Variants in TDRD3 observed in about 807,000 individuals in gnomAD.
TDRD3 encodes the protein tudor domain-containing protein 3.
A neutral mutation model predicts 86.7 loss-of-function variants in TDRD3; 45 were observed. That is an observed-to-expected ratio of 0.52 (90% CI 0.41 to 0.67). TDRD3 has a LOEUF of 0.67. TDRD3 is among the 30% of genes least tolerant of loss of function. TDRD3 has a pLI of 0.00. For missense variants in TDRD3, 814 were observed against 889.0 expected (o/e 0.92, Z 1.07); for synonymous variants, 298 against 301.7 (o/e 0.99, Z 0.13).
chr13:60,559,700 G>A (rs1958287761), intron 12 of TDRD3, among the ~76,000 whole-genome samples: 1 of 152,110 alleles, frequency 6.6e-6, no homozygotes, highest in Non-Finnish European at 1.5e-5. Flanking sequence ...CAAACTCATA[G>A]AAACAGAGTA....
chr13:60,454,761 G>C (rs991678708), intron 3 of TDRD3, among the ~76,000 whole-genome samples: 5 of 151,994 alleles, frequency 3.3e-5, no homozygotes, highest in Admixed American at 1.3e-4. Flanking sequence ...ATGACATTGG[G>C]AATGTTTCTG....
At chr13:60,434,824 C>T (rs946877205) in intron 1 of TDRD3, among the ~76,000 whole-genome samples, 1 of 152,040 alleles carries the variant, frequency 6.6e-6, no homozygotes, top group Non-Finnish European at 1.5e-5. Context: ...TGATAATTCT[C>T]TTCTCTCAAG....
intron 5 of TDRD3, among the ~76,000 whole-genome samples, chr13:60,482,923 T>C (rs1376877921): frequency 1.3e-5 from 2 of 151,940 alleles, no homozygotes; most frequent in African/African-American, 4.8e-5. Context: ...GCACAAAAAG[T>C]TTAAAGTTGA....
chr13:60,443,774 A>G (rs1271003479), intron 2 of TDRD3, among the ~76,000 whole-genome samples: 1 of 151,928 alleles, frequency 6.6e-6, no homozygotes, highest in Non-Finnish European at 1.5e-5. Flanking sequence ...TCTTAAGGTG[A>G]TGAAGAGCTA....
chr13:60,468,172 C>G (rs1365313095), intron 5 of TDRD3, among the ~76,000 whole-genome samples: 1 of 152,108 alleles, frequency 6.6e-6, no homozygotes, highest in East Asian at 1.9e-4. Flanking sequence ...AGCCCTAGTT[C>G]CAGTTTACGT....
chr13:60,518,282 T>G (rs1241911039), intron 10 of TDRD3, among the ~76,000 whole-genome samples: 1 of 152,138 alleles, frequency 6.6e-6, no homozygotes, highest in Non-Finnish European at 1.5e-5. Flanking sequence ...AATCTTTAGG[T>G]GATTCTGGTG....
rs151013765 is a variant in TDRD3 at position 60,491,457 on chromosome 13, C to T, written c.718-2978C>T. ...GAACAGAAAAAGCTAATAATGAACC[C>T]TGTAACACTTCAATTTGAACTTAGA... is the stretch of plus-strand genomic sequence containing the variant. On this transcript the variant is annotated intron_variant, in intron 7 of 13. Transcript: ENST00000377881. 6.2e-3 allele frequency among the ~76,000 whole-genome samples: 944 copies of T among 152,272 alleles called. 15 individuals are homozygous for T. Among genetic ancestry groups the T allele is most frequent in the African/African-American group, 0.022 (906 of 41,560 alleles).
chr13:60,527,205 C>T (rs1205871202), intron 10 of TDRD3, among the ~76,000 whole-genome samples: 1 of 152,130 alleles, frequency 6.6e-6, no homozygotes. Flanking sequence ...ACCTTTATTC[C>T]TGTTGTTTTA....
intron 12 of TDRD3, among the ~76,000 whole-genome samples, chr13:60,557,155 G>A (rs1383154629): frequency 1.4e-5 from 2 of 146,178 alleles, no homozygotes; most frequent in Non-Finnish European, 3.0e-5. Context: ...GCGGTGAGCC[G>A]AGATTGTGCC....
intron 8 of TDRD3, among the ~76,000 whole-genome samples, chr13:60,496,976 C>T (rs1011388650): frequency 3.3e-5 from 5 of 152,086 alleles, no homozygotes; most frequent in Non-Finnish European, 5.9e-5. Context: ...CGGTGGGTCA[C>T]GGAAGAAAAC....
chr13:60,554,285 A>G (rs1958135932), intron 12 of TDRD3, among the ~76,000 whole-genome samples: 1 of 152,226 alleles, frequency 6.6e-6, no homozygotes, highest in African/African-American at 2.4e-5. Flanking sequence ...TTCAAAGATA[A>G]TGAAAGTGAA....
At chr13:60,547,146 A>G (rs1352229646) in intron 12 of TDRD3, 9 of 434,410 alleles carry the variant, frequency 2.1e-5, no homozygotes, top group South Asian at 9.8e-5. Flanking sequence ...GAGAATTACT[A>G]TACTTTGAGG....
intron 1 of TDRD3, among the ~76,000 whole-genome samples, chr13:60,422,606 GTTGATGGAGCT>G (rs1340921543): frequency 6.6e-6 from 1 of 152,076 alleles, no homozygotes; most frequent in East Asian, 1.9e-4. Context: ...GGGGGAAAAT[GTTGATGGAGCT>G]TTGGAAAGAA....
intron 12 of TDRD3, among the ~76,000 whole-genome samples, chr13:60,548,859 T>C (rs1957987257): frequency 6.6e-6 from 1 of 152,176 alleles, no homozygotes; most frequent in East Asian, 1.9e-4. Flanking sequence ...TTCATAACTT[T>C]TAAACCAGTA....
intron 3 of TDRD3, among the ~76,000 whole-genome samples, chr13:60,456,266 A>G (rs1181079116): frequency 6.6e-6 from 1 of 152,192 alleles, no homozygotes; most frequent in African/African-American, 2.4e-5. Flanking sequence ...ATGATCAATA[A>G]ATTAATAAAT....
chr13:60,567,570 G>A lies in TDRD3; in HGVS notation c.2164G>A (p.Gly722Ser). Reference protein sequence around the residue: ...YDQTLEFRRGGDGQPRRSTRP... With the variant: ...YDQTLEFRRGSDGQPRRSTRP... ...TCAAACTCTGGAGTTCCGTAGGGGA[G>A]GTGATGGCCAGCCAAGACGATCCAC... The change falls in exon 13 of 14, where the codon GGT becomes AGT. Residue 722 changes from glycine (G) to serine (S), a missense_variant. Transcript: ENST00000377881. 1 of 1,614,176 alleles carries A rather than the reference G, an allele frequency of 6.2e-7. No individual in the cohort carries two copies. The highest frequency in any genetic ancestry group is 8.5e-7 in the Non-Finnish European group (1 of 1,180,034).
chr13:60,473,118 T>G (rs1006644658), intron 5 of TDRD3, among the ~76,000 whole-genome samples: 3 of 152,176 alleles, frequency 2.0e-5, no homozygotes, highest in Non-Finnish European at 4.4e-5. Flanking sequence ...TAACATGGCT[T>G]TGGTATCTCA....
At chr13:60,472,741 A>G (rs996690333) in intron 5 of TDRD3, among the ~76,000 whole-genome samples, 1 of 152,240 alleles carries the variant, frequency 6.6e-6, no homozygotes, top group African/African-American at 2.4e-5. Context: ...AGAGGGCATT[A>G]TGCTAAGTGA....
intron 8 of TDRD3, among the ~76,000 whole-genome samples, chr13:60,509,201 G>C (rs1957001699): frequency 6.6e-6 from 1 of 152,036 alleles, no homozygotes; most frequent in Admixed American, 6.6e-5. Flanking sequence ...TTTTAAAAGA[G>C]ATTTGGATTC....
Sources: gnomAD v4.1 joint callset for allele counts (sites outside exome capture counted in the v4.1 genomes callset) on GRCh38, gnomAD v4.1.1 for gene constraint, MANE v1.5 for transcripts, NCBI Gene and HGNC (gene_info 2026-07-23, HGNC 2026-07-21) for gene names.